The following UIMC1 variants were observed in gnomAD, a reference collection of about 807,000 sequenced individuals.
UIMC1 encodes BRCA1-A complex subunit RAP80.
A neutral mutation model predicts 84.9 loss-of-function variants in UIMC1; 42 were observed. The observed-to-expected ratio is 0.49, with a 90% confidence interval of 0.39 to 0.64. UIMC1 has a LOEUF of 0.64. UIMC1 is among the 30% of genes least tolerant of loss of function. UIMC1 has a pLI of 0.00. For synonymous variants in UIMC1, 281 were observed against 293.0 expected, an observed-to-expected ratio of 0.96 and a Z score of 0.42; for missense variants, 825 against 847.6, an observed-to-expected ratio of 0.97 and a Z score of 0.33.
chr5:176,950,028 C>T (rs1765647985), intron 9 of UIMC1, among the ~76,000 whole-genome samples: 1 of 150,180 alleles, frequency 6.7e-6, no homozygotes, highest in Non-Finnish European at 1.5e-5. Flanking sequence ...GCACTCCAGC[C>T]TGGCAGACAA....
chr5:176,930,516 T>C (rs1472525530), intron 10 of UIMC1, among the ~76,000 whole-genome samples: 1 of 152,220 alleles, frequency 6.6e-6, no homozygotes, highest in Non-Finnish European at 1.5e-5. Context: ...TTCAAAAGAC[T>C]GTTATGAGGA....
intron 10 of UIMC1, among the ~76,000 whole-genome samples, chr5:176,915,139 T>C (rs1216378678): frequency 6.6e-6 from 1 of 152,186 alleles, no homozygotes; most frequent in Non-Finnish European, 1.5e-5. Context: ...CATATACCAC[T>C]ACTGCATTTA....
intron 9 of UIMC1, among the ~76,000 whole-genome samples, chr5:176,950,621 G>A (rs1480272422): frequency 2.6e-5 from 4 of 151,882 alleles, no homozygotes; most frequent in Non-Finnish European, 5.9e-5. Context: ...TGTAATCCCA[G>A]CACTTTGGGA....
chr5:177,008,394 C>T (rs1044322761), upstream of UIMC1, among the ~76,000 whole-genome samples: 2 of 152,112 alleles, frequency 1.3e-5, no homozygotes, highest in Non-Finnish European at 2.9e-5. Flanking sequence ...CAATTCTTTG[C>T]TCTATGAGTC....
chr5:177,010,652 G>T (rs539307596), upstream of UIMC1, among the ~76,000 whole-genome samples: 2 of 152,030 alleles, frequency 1.3e-5, no homozygotes, highest in South Asian at 4.2e-4. Flanking sequence ...CTCCTGAGTA[G>T]CTGGGATTAC....
upstream of UIMC1, among the ~76,000 whole-genome samples, chr5:177,009,982 A>C (rs2149553267): frequency 6.6e-6 from 1 of 152,032 alleles, no homozygotes; most frequent in Non-Finnish European, 1.5e-5. The surrounding 1 kb of genome is among the most constrained non-coding windows in gnomAD (Gnocchi z 4.3). Context: ...ACAGAGTGAG[A>C]CTCCGTCTCA....
upstream of UIMC1, among the ~76,000 whole-genome samples, chr5:177,011,590 G>GTAATAA (rs139175347): frequency 4.6e-4 from 69 of 150,654 alleles, no homozygotes; most frequent in African/African-American, 1.0e-3. Context: ...CTTTAAAAAA[G>GTAATAA]TAATAATAAT....
At chr5:176,929,163 G>A (rs918705886) in intron 10 of UIMC1, among the ~76,000 whole-genome samples, 4 of 151,926 alleles carry the variant, frequency 2.6e-5, no homozygotes, top group Non-Finnish European at 5.9e-5. Context: ...GCTGAGGCAG[G>A]AGAATCACTT....
rs2149483018 is a variant in UIMC1, at chr5:176,968,646, T to A, written c.1109A>T (p.His370Leu). Reference sequence around the variant, plus strand: ...TTCCTGGAAATCCTTGGTTTTTGAGTGCCAGTCAGATGCCCTAGACTCCTG... The same window carrying A: ...TTCCTGGAAATCCTTGGTTTTTGAGAGCCAGTCAGATGCCCTAGACTCCTG... ...ERQESRASDW[H>L]SKTKDFQESS... Residue 370 changes from histidine to leucine, a missense_variant, in exon 6 of 15, where the codon CAC (histidine) becomes CTC (leucine). His to Leu is a moderately conservative substitution (Grantham distance 99). Transcript: ENST00000511320. 3 of 1,614,140 alleles carry A rather than the reference T, an allele frequency of 1.9e-6. No individual in the cohort carries two copies. The East Asian group carries it at 6.7e-5, about 36-fold the overall frequency.
chr5:177,000,118 T>G (rs1168804244), intron 1 of UIMC1, among the ~76,000 whole-genome samples: 1 of 152,048 alleles, frequency 6.6e-6, no homozygotes, highest in Non-Finnish European at 1.5e-5. Context: ...CCACCACACC[T>G]GGCTAATTTT....
chr5:177,012,145 T>G (rs1402257044), intron 1 of UIMC1, among the ~76,000 whole-genome samples: 2 of 152,184 alleles, frequency 1.3e-5, no homozygotes, highest in African/African-American at 4.8e-5. Flanking sequence ...AATCTGTTTT[T>G]CCTGTCCTGG....
At chr5:176,935,013 A>G (rs1763558222) in intron 10 of UIMC1, among the ~76,000 whole-genome samples, 1 of 152,232 alleles carries the variant, frequency 6.6e-6, no homozygotes, top group African/African-American at 2.4e-5. Context: ...GCTTAAGGTT[A>G]CTGAAATCAT....
intron 1 of UIMC1, among the ~76,000 whole-genome samples, chr5:176,998,605 T>C (rs1773986889): frequency 6.6e-6 from 1 of 151,056 alleles, no homozygotes. Context: ...CTGTCTCTAC[T>C]AAAAATACAA....
At chr5:176,934,467 A>G (rs1435904928) in intron 10 of UIMC1, among the ~76,000 whole-genome samples, 7 of 152,196 alleles carry the variant, frequency 4.6e-5, no homozygotes, top group Non-Finnish European at 8.8e-5. Context: ...GGGTATCTTG[A>G]AACCGTGAAT....
chr5:176,911,112 G>GAAGAAAAGAA lies in UIMC1; in HGVS notation c.1676+189_1676+198dup, dbSNP rs35830185. Among the ~76,000 whole-genome samples the GAAGAAAAGAA allele has an allele frequency of 5.3e-3, 625 of 116,958 alleles. 5 individuals carry two copies. Among genetic ancestry groups the GAAGAAAAGAA allele is most frequent in the Non-Finnish European group, 6.7e-3 (384 of 57,266 alleles). 76.7% of individuals were successfully genotyped at this position (116,958 alleles called of 152,430 possible). A position where few individuals can be genotyped will look rare whatever the true frequency, so the allele number is the denominator to read the frequency against. ...CTCAAAAAAAAAAAAGAGAGAGAGA[G>GAAGAAAAGAA]AAGAAAAGAAAAGAAAAGAAAAGAA... On this transcript the variant is annotated intron_variant, in intron 11 of 14. Coordinates refer to ENST00000511320, the MANE Select transcript of UIMC1 (RefSeq NM_001199298.2).
chr5:176,958,885 A>G (rs1412212259), intron 6 of UIMC1, among the ~76,000 whole-genome samples: 1 of 152,264 alleles, frequency 6.6e-6, no homozygotes, highest in Admixed American at 6.5e-5. Flanking sequence ...ATCACAGAAA[A>G]AGCAGCTACT....
intron 10 of UIMC1, among the ~76,000 whole-genome samples, chr5:176,941,809 T>C (rs1239565083): frequency 6.6e-6 from 1 of 152,124 alleles, no homozygotes; most frequent in Non-Finnish European, 1.5e-5. Context: ...TCTTGATCAA[T>C]GTCTTATGCT....
chr5:176,907,158 C>T lies in UIMC1; in HGVS notation c.1868G>A (p.Gly623Asp). 1.9e-6 allele frequency: 3 copies of T among 1,613,788 alleles called. No individual in the cohort carries two copies. Among genetic ancestry groups the T allele is most frequent in the Non-Finnish European group, 2.5e-6 (3 of 1,179,832 alleles). ...KNPKEKGHSE[G>D]RLLSFLEQSE... ...CTGTTCCAAGAAACTAAGGAGTCGG[C>T]CTTCACTGTGGCCTTTTTCCTGTAA... The change falls in exon 13 of 15, where the codon GGC becomes GAC. Residue 623 changes from glycine (G) to aspartate (D), a missense_variant. By Grantham distance (94) the Gly-to-Asp change is moderately conservative. Transcript: ENST00000511320.
intron 10 of UIMC1, among the ~76,000 whole-genome samples, chr5:176,934,861 T>C (rs1763541795): frequency 6.6e-6 from 1 of 152,234 alleles, no homozygotes; most frequent in African/African-American, 2.4e-5. Flanking sequence ...GCCATTTTGC[T>C]TGTCCCTTAA....
Sources: allele counts gnomAD v4.1 joint callset (sites outside exome capture counted in the v4.1 genomes callset), GRCh38; gene constraint gnomAD v4.1.1; non-coding constraint Gnocchi (gnomAD v3.1); transcripts MANE v1.5; gene names NCBI Gene and HGNC (gene_info 2026-07-23, HGNC 2026-07-21).